LRRC51: variants seen among roughly 807,000 people sequenced by gnomAD.
LRRC51 encodes leucine-rich repeat-containing protein 51.
A neutral mutation model predicts 17.8 loss-of-function variants in LRRC51; 8 were observed. The observed-to-expected ratio is 0.45, with a 90% CI of 0.26 to 0.81. The LOEUF (loss-of-function observed/expected upper bound fraction) is 0.81. LRRC51 is among the 30% of genes least tolerant of loss of function. LRRC51 has a pLI of 0.17. For missense variants in LRRC51, 233 were observed against 239.3 expected, an observed-to-expected ratio of 0.97 and a Z score of 0.17; for synonymous variants, 92 against 96.0, an observed-to-expected ratio of 0.96 and a Z score of 0.24.
chr11:72,088,260 A>C, intron 1 of LRRC51, 37 bp from the exon 2 acceptor site: 4 of 663,180 alleles, frequency 6.0e-6, no homozygotes, highest in East Asian at 2.7e-5. Flanking sequence ...ACCACATTGC[A>C]AGTGACTGAT....
intron 1 of LRRC51, among the ~76,000 whole-genome samples, chr11:72,087,914 AT>A (rs1208855390): frequency 5.3e-5 from 8 of 152,192 alleles, no homozygotes; most frequent in Non-Finnish European, 1.2e-4. Flanking sequence ...TTTCTAGTGG[AT>A]GGCACTATTC....
At position 72,095,246 on chromosome 11, in the gene LRRC51, G is replaced by C. The variant is rs1945117696; in HGVS notation, c.438-133G>C. 3.2e-6 allele frequency: 5 copies of C among 1,577,990 alleles called. No homozygotes were observed. The Admixed American group carries it at 7.2e-5, about 23-fold the overall frequency. On this transcript the variant is annotated intron_variant, in intron 5 of 5. Transcript: ENST00000289488. ...CTAAGCATTCCTTGCTCTCAGTCAG[G>C]ATAAACCTAATCTTTCCCAAACTAT...
In LRRC51 at chr11:72,095,844, G is replaced by T. The variant is rs1181565941; in HGVS notation, c.*324G>T. 2 of 354,464 alleles carry T rather than the reference G, an allele frequency of 5.6e-6. No homozygotes were observed. The highest frequency in any genetic ancestry group is 2.2e-5 in the African/African-American group (1 of 45,758). 22.0% of individuals were successfully genotyped at this position (354,464 alleles called of 1,614,324 possible). On this transcript the variant is annotated 3_prime_UTR_variant, in exon 6 of 6. Coordinates refer to ENST00000289488, the MANE Select transcript of LRRC51 (RefSeq NM_145309.6). ...CCTGCCACCATGACTGGCTAATTTT[G>T]TTGTTGTTGTTGTTGTTTTGAGACG...
rs200241625 is a variant in LRRC51, at chr11:72,095,676, CTTT to C, written c.*168_*170del. 326 of 1,282,626 alleles carry C rather than the reference CTTT, an allele frequency of 2.5e-4. No homozygotes were observed. Among genetic ancestry groups the C allele is most frequent in the East Asian group, 5.2e-4 (18 of 34,724 alleles). 79.5% of individuals were successfully genotyped at this position (1,282,626 alleles called of 1,614,324 possible). On this transcript the variant is annotated 3_prime_UTR_variant, in exon 6 of 6. Transcript: ENST00000289488. ...GCAAGTAGCTCTAGCCTTTTCTTTT[CTTT>C]TTTTTTTTTTTGAGACGGAGTCTCA... is the stretch of plus-strand genomic sequence containing the variant.
At chr11:72,090,788 C>T (rs1005429883) in intron 3 of LRRC51, among the ~76,000 whole-genome samples, 2 of 152,196 alleles carry the variant, frequency 1.3e-5, no homozygotes, top group Admixed American at 1.3e-4. Context: ...GGAAGTCCCC[C>T]ACCATATACA....
intron 1 of LRRC51, chr11:72,086,534 C>T (rs1385058790): frequency 2.9e-6 from 2 of 695,224 alleles, no homozygotes; most frequent in Non-Finnish European, 5.2e-6. Flanking sequence ...TCATTCATCC[C>T]ACAAACATTT....
chr11:72,083,253 C>T (rs1944345337), intron 1 of LRRC51, among the ~76,000 whole-genome samples: 1 of 152,192 alleles, frequency 6.6e-6, no homozygotes, highest in Admixed American at 6.5e-5. Context: ...ATCCTTCTCT[C>T]CCCTTCAGTT....
chr11:72,093,567 C>T lies in LRRC51; in HGVS notation c.154C>T (p.Gln52Ter), dbSNP rs1448467668. ...TTCAAAGTCGGGGAAATCACTGACC[C>T]AGTCCCTGTGGCTGAATAACAATGT... is the stretch of plus-strand genomic sequence containing the variant. ...KRSKSGKSLT[Q>*]SLWLNNNVLN... is the part of the protein sequence containing the mutation. Residue 52 changes from glutamine to a stop codon, truncating the protein, a stop_gained, in exon 4 of 6, where the codon CAG (glutamine) becomes TAG (stop). Coordinates refer to ENST00000289488, the MANE Select transcript of LRRC51 (RefSeq NM_145309.6). LOFTEE classifies it high-confidence loss of function. The T allele has an allele frequency of 6.2e-7, 1 of 1,614,238 alleles. No homozygotes were observed. The highest frequency in any genetic ancestry group is 8.5e-7 in the Non-Finnish European group (1 of 1,180,052).
rs1349080015 is a variant in LRRC51, at chr11:72,095,463, C to G, written c.522C>G (p.Val174=). Reference sequence around the variant, plus strand: ...AAGCAGACCGCACCACAGCTGAAGTCTGGAAACGCATGAACATCAAGCCCA... The same window carrying G: ...AAGCAGACCGCACCACAGCTGAAGTGTGGAAACGCATGAACATCAAGCCCA... ...VTKADRTTAE[V]WKRMNIKPKK... The change falls in exon 6 of 6, where the codon GTC becomes GTG. Residue 174 remains valine, a synonymous_variant. Coordinates refer to ENST00000289488, the MANE Select transcript of LRRC51 (RefSeq NM_145309.6). 1 of 1,614,092 alleles carries G rather than the reference C, an allele frequency of 6.2e-7. No homozygotes were observed. The highest frequency in any genetic ancestry group is 1.7e-5 in the Admixed American group (1 of 60,014).
chr11:72,091,380 C>T (rs920996889), intron 3 of LRRC51, among the ~76,000 whole-genome samples: 1 of 152,040 alleles, frequency 6.6e-6, no homozygotes, highest in East Asian at 1.9e-4. Context: ...TCCTGCAACC[C>T]CAGGCCCCAA....
chr11:72,081,347 G>A (rs990074984), intron 1 of LRRC51, among the ~76,000 whole-genome samples: 2 of 152,176 alleles, frequency 1.3e-5, no homozygotes, highest in Admixed American at 6.5e-5. Context: ...GCTTGAGCCC[G>A]GAGATTGAAG....
At position 72,095,046 on chromosome 11, in the gene LRRC51, C is replaced by CCTT; in HGVS notation, c.388_389insTTC (p.Leu129dup). ...ATAAGCTGGCTGTCCTTCCTCGGCT[C>CCTT]CGTAGCCTGACACTCCATGGGAACC... On this transcript the variant is annotated inframe_insertion, in exon 5 of 6. Coordinates refer to ENST00000289488, the MANE Select transcript of LRRC51 (RefSeq NM_145309.6). 1 of 1,614,004 alleles carries CCTT rather than the reference C, an allele frequency of 6.2e-7. No individual in the cohort carries two copies. The highest frequency in any genetic ancestry group is 1.7e-5 in the Admixed American group (1 of 60,000).
At chr11:72,094,830 TTGGAG>T (rs1481577332) in intron 4 of LRRC51, 113 bp from the exon 5 acceptor site, 5 of 1,586,808 alleles carry the variant, frequency 3.2e-6, no homozygotes, top group Non-Finnish European at 4.3e-6. Context: ...CTGTGGAGGG[TTGGAG>T]TGGAGGGCAG....
At chr11:72,092,026 A>C (rs1277158577) in intron 3 of LRRC51, among the ~76,000 whole-genome samples, 1 of 152,208 alleles carries the variant, frequency 6.6e-6, no homozygotes, top group African/African-American at 2.4e-5. Flanking sequence ...ACTTACTACT[A>C]TAAACTATTT....
At chr11:72,089,447 A>G (rs1338318615) in intron 3 of LRRC51, 25 of 1,355,726 alleles carry the variant, frequency 1.8e-5, no homozygotes, top group African/African-American at 3.0e-5. Flanking sequence ...GGGCTATCAC[A>G]GTAGTTGATC....
At position 72,096,574 on chromosome 11, in the gene LRRC51, G is replaced by T; in HGVS notation, c.*1054G>T. 1 of 1,381,502 alleles carries T rather than the reference G, an allele frequency of 7.2e-7. No individual in the cohort carries two copies. The allele number at this position is 1,381,502 out of a possible 1,614,324, so 85.6% of individuals were successfully genotyped here. On this transcript the variant is annotated 3_prime_UTR_variant, in exon 6 of 6. Transcript: ENST00000289488. ...ATTTTGCTGAAAAAGGGAGGCAATTGAGGGAAAGGCCTGCTGGCCTGGGAC... is the reference window on the plus strand; with the variant it reads ...ATTTTGCTGAAAAAGGGAGGCAATTTAGGGAAAGGCCTGCTGGCCTGGGAC...
At chr11:72,082,911 G>C (rs1161498815) in intron 1 of LRRC51, among the ~76,000 whole-genome samples, 1 of 151,848 alleles carries the variant, frequency 6.6e-6, no homozygotes, top group African/African-American at 2.4e-5. Flanking sequence ...TGCTGCCCAG[G>C]CTGGAGTGCA....
At chr11:72,091,693 C>G (rs1418066445) in intron 3 of LRRC51, among the ~76,000 whole-genome samples, 1 of 152,206 alleles carries the variant, frequency 6.6e-6, no homozygotes, top group Non-Finnish European at 1.5e-5. Context: ...ATTCCCTATT[C>G]TCTCTCCTCC....
At chr11:72,088,066 T>G (rs1230453426) in intron 1 of LRRC51, among the ~76,000 whole-genome samples, 1 of 152,204 alleles carries the variant, frequency 6.6e-6, no homozygotes, top group Non-Finnish European at 1.5e-5. Flanking sequence ...GGGCAAGTTC[T>G]TGTCCTTATC....
Sources: gnomAD v4.1 joint callset for allele counts (sites outside exome capture counted in the v4.1 genomes callset) on GRCh38, gnomAD v4.1.1 for gene constraint, MANE v1.5 for transcripts, NCBI Gene and HGNC (gene_info 2026-07-23, HGNC 2026-07-21) for gene names.